Variants in HSF5 observed in about 807,000 individuals in gnomAD.
The protein encoded by HSF5 is heat shock transcription factor 5, also known as heat shock factor protein 5.
A neutral mutation model predicts 50.8 loss-of-function variants in HSF5; 5 were observed. The ratio of observed to expected loss-of-function variants is 0.10; its 90% confidence interval spans 0.05 to 0.21. The LOEUF is 0.21. Ranked by LOEUF, HSF5 falls within the 10% of genes least tolerant of loss-of-function variation. HSF5 has a pLI of 1.00. For synonymous variants in HSF5, 307 were observed against 307.4 expected, an observed-to-expected ratio of 1.00 and a Z score of 0.02; for missense variants, 564 against 762.6, an observed-to-expected ratio of 0.74 and a Z score of 3.07.
rs757117435 is a variant in HSF5 at position 58,463,011 on chromosome 17, T to G, written c.1313A>C (p.Asp438Ala). The G allele has an allele frequency of 1.5e-5, 25 of 1,614,088 alleles. No homozygotes were observed. Among genetic ancestry groups the G allele is most frequent in the Non-Finnish European group, 3.4e-6 (4 of 1,180,042 alleles). The part of the protein sequence containing the change: ...QLEPLTPVGS[D>A]IMSFVVGTEQ... The stretch of plus-strand genomic sequence containing the variant: ...TGTTCCAACCACAAAAGACATAATA[T>G]CTGAGCCTACAGGAGTAAGTGGCTC... The change falls in exon 4 of 6, where the codon GAT (aspartate) becomes GCT (alanine). Residue 438 changes from aspartate (D) to alanine (A), a missense_variant. Asp to Ala is a moderately radical substitution (Grantham distance 126, BLOSUM62 -2). Transcript: ENST00000323777.
chr17:58,476,353 G>A, intron 2 of HSF5: 1 of 1,099,550 alleles, frequency 9.1e-7, no homozygotes, highest in Non-Finnish European at 1.4e-6. Flanking sequence ...ATCAGTACCT[G>A]CATCAGAATG....
At chr17:58,465,394 T>A (rs1402957828) in intron 3 of HSF5, among the ~76,000 whole-genome samples, 1 of 151,976 alleles carries the variant, frequency 6.6e-6, no homozygotes, top group East Asian at 1.9e-4. Flanking sequence ...AATCAAGATA[T>A]AAACACTGCC....
chr17:58,470,819 G>A (rs560431121), intron 2 of HSF5, among the ~76,000 whole-genome samples: 4 of 152,218 alleles, frequency 2.6e-5, no homozygotes, highest in South Asian at 4.1e-4. Flanking sequence ...CCAGCTACTC[G>A]GAAGGCTGAG....
At position 58,479,954 on chromosome 17, in the gene HSF5, G is replaced by A; in HGVS notation, c.864C>T (p.Ser288=). ...VQQGPQTMVS[S]SQKYSNYTPS... ...GTGTGTAGTTACTGTATTTTTGGGAGGAGCTGACCATTGTTTGAGGACCTT... is the reference window on the plus strand; with the variant it reads ...GTGTGTAGTTACTGTATTTTTGGGAAGAGCTGACCATTGTTTGAGGACCTT... Residue 288 remains serine (S), a synonymous_variant, in exon 2 of 6, where the codon TCC becomes TCT. Transcript: ENST00000323777. The A allele has an allele frequency of 6.2e-7, 1 of 1,614,082 alleles. No individual in the cohort carries two copies. Among genetic ancestry groups the A allele is most frequent in the Non-Finnish European group, 8.5e-7 (1 of 1,179,986 alleles).
chr17:58,424,772 C>G (rs1262368487), intron 5 of HSF5, among the ~76,000 whole-genome samples: 1 of 152,066 alleles, frequency 6.6e-6, no homozygotes, highest in African/African-American at 2.4e-5. Flanking sequence ...GGTGACAGAG[C>G]AAAACCCTGT....
chr17:58,488,370 C>T lies in HSF5; in HGVS notation c.-96G>A, dbSNP rs781454412. 1.3e-4 allele frequency: 169 copies of T among 1,333,944 alleles called. No homozygotes were observed. The highest frequency in any genetic ancestry group is 4.6e-4 in the Middle Eastern group (2 of 4,356). 82.6% of individuals were successfully genotyped at this position (1,333,944 alleles called of 1,614,324 possible). On this transcript the variant is annotated 5_prime_UTR_variant, in exon 1 of 6. Transcript: ENST00000323777. The surrounding 1 kb of genome is among the most constrained non-coding windows in gnomAD (Gnocchi z 4.1). ...TTCGCCTCGCCCTGCCCGCTCCTGC[C>T]GGCGCCCATCCGCCGCGTACCAGGG... is the stretch of plus-strand genomic sequence containing the variant.
Position 58,477,084 on chromosome 17 carries a change from C to T in HSF5, c.925+2809G>A, listed in dbSNP as rs183623621. The T allele has an allele frequency of 2.4e-3, 1,085 of 457,772 alleles. 13 individuals carry two copies. Among genetic ancestry groups the T allele is most frequent in the Non-Finnish European group, 1.8e-3 (462 of 252,272 alleles). 28.4% of individuals were successfully genotyped at this position (457,772 alleles called of 1,614,324 possible). The stretch of plus-strand genomic sequence containing the variant: ...TCCCAGCGCTGCCCTCGCGGCCTGA[C>T]GACAGGTATGGGCTAGGGATATATA... On this transcript the variant is annotated intron_variant, in intron 2 of 5. Coordinates refer to ENST00000323777, the MANE Select transcript of HSF5 (RefSeq NM_001080439.3).
At chr17:58,472,311 A>C (rs6503865) in intron 2 of HSF5, among the ~76,000 whole-genome samples, 37,259 of 151,446 alleles carry the variant, frequency 0.25, 4,979 homozygotes, top group South Asian at 0.34. Flanking sequence ...TACCCCCCCC[A>C]AAAAAAGTGT....
intron 5 of HSF5, among the ~76,000 whole-genome samples, chr17:58,434,019 T>C (rs746494207): frequency 6.6e-6 from 1 of 151,422 alleles, no homozygotes; most frequent in African/African-American, 2.4e-5. Flanking sequence ...ATTCAATTGA[T>C]TCTCCTGCCT....
chr17:58,467,385 A>T (rs926875407), intron 2 of HSF5, among the ~76,000 whole-genome samples: 7 of 152,234 alleles, frequency 4.6e-5, no homozygotes, highest in Non-Finnish European at 1.0e-4. Flanking sequence ...AAAAGAGTAA[A>T]ATAACTATGA....
At chr17:58,481,538 C>G (rs1330157537) in intron 1 of HSF5, among the ~76,000 whole-genome samples, 1 of 152,208 alleles carries the variant, frequency 6.6e-6, no homozygotes, top group African/African-American at 2.4e-5. Context: ...TTTCAATTTA[C>G]TAAGCTAATC....
chr17:58,441,773 A>G (rs1275445195), intron 5 of HSF5, among the ~76,000 whole-genome samples: 3 of 152,256 alleles, frequency 2.0e-5, no homozygotes, highest in Admixed American at 2.0e-4. Flanking sequence ...TGGGCTAACC[A>G]AGGAATTTAT....
At chr17:58,487,595 G>T in intron 1 of HSF5, 130 bp downstream of exon 1, 4 of 1,282,940 alleles carry the variant, frequency 3.1e-6, no homozygotes, top group Non-Finnish European at 3.9e-6. Flanking sequence ...AAGCACAGCG[G>T]CCAATGGGTC....
In HSF5 at chr17:58,462,801, G is replaced by A. The variant is rs1270669910; in HGVS notation, c.1523C>T (p.Pro508Leu). 3.7e-6 allele frequency: 6 copies of A among 1,608,324 alleles called. No homozygotes were observed. Among genetic ancestry groups the A allele is most frequent in the Non-Finnish European group, 4.2e-6 (5 of 1,177,208 alleles). The change falls in exon 4 of 6, where the codon CCA becomes CTA. Residue 508 changes from proline (P) to leucine (L), a missense_variant. Pro to Leu is a moderately conservative substitution (Grantham distance 98). Coordinates refer to ENST00000323777, the MANE Select transcript of HSF5 (RefSeq NM_001080439.3). The part of the protein sequence containing the change: ...PSSVVFVQEG[P>L]PFSTHQVDAN... ...CCTTACCTGGTGTGTGCTGAATGGT[G>A]GCCCTTCCTGCACAAATACTACTGA...
At chr17:58,456,996 T>C (rs1239109594) in intron 5 of HSF5, among the ~76,000 whole-genome samples, 6 of 152,146 alleles carry the variant, frequency 3.9e-5, no homozygotes, top group Non-Finnish European at 4.4e-5. Flanking sequence ...CAGTGGCTCA[T>C]GCCTGCAATC....
At chr17:58,463,609 C>T (rs1404637616) in intron 3 of HSF5, among the ~76,000 whole-genome samples, 2 of 152,178 alleles carry the variant, frequency 1.3e-5, no homozygotes, top group Non-Finnish European at 2.9e-5. Flanking sequence ...GCTGATAAAG[C>T]ATCTATACAC....
chr17:58,468,406 A>T (rs1454644215), intron 2 of HSF5, among the ~76,000 whole-genome samples: 1 of 152,130 alleles, frequency 6.6e-6, no homozygotes, highest in Admixed American at 6.5e-5. Context: ...TACAAAAAAA[A>T]TTTACATATA....
chr17:58,448,214 G>C (rs1018077689), intron 5 of HSF5, among the ~76,000 whole-genome samples: 1 of 150,274 alleles, frequency 6.7e-6, no homozygotes, highest in Non-Finnish European at 1.5e-5. Context: ...GAACTAAAAG[G>C]AACAAAGAAT....
intron 5 of HSF5, among the ~76,000 whole-genome samples, chr17:58,447,054 G>C (rs990077851): frequency 3.9e-5 from 6 of 152,094 alleles, no homozygotes; most frequent in African/African-American, 1.5e-4. Context: ...GAACCTGGGA[G>C]ACAGAGGTTT....
Sources: allele counts gnomAD v4.1 joint callset (sites outside exome capture counted in the v4.1 genomes callset), GRCh38; gene constraint gnomAD v4.1.1; non-coding constraint Gnocchi (gnomAD v3.1); transcripts MANE v1.5; gene names NCBI Gene and HGNC (gene_info 2026-07-23, HGNC 2026-07-21).